KCNIP1: variants seen among roughly 807,000 people sequenced by gnomAD.
KCNIP1 encodes potassium voltage-gated channel interacting protein 1.
In KCNIP1, 18 loss-of-function variants were observed where a neutral mutation model predicts 33.0. That is an observed-to-expected ratio of 0.55 (90% CI 0.38 to 0.81). The LOEUF is 0.81. Ranked by LOEUF, KCNIP1 falls within the 30% of genes least tolerant of loss-of-function variation. The pLI, the probability that KCNIP1 is intolerant of heterozygous loss-of-function variation, is 0.00. For synonymous variants in KCNIP1, 93 were observed against 98.3 expected (o/e 0.95, Z 0.32); for missense variants, 238 against 271.6 (o/e 0.88, Z 0.87).
intron 1 of KCNIP1, among the ~76,000 whole-genome samples, chr5:170,695,611 G>A (rs572078496): frequency 5.9e-5 from 9 of 152,182 alleles, no homozygotes; most frequent in Admixed American, 3.9e-4. Context: ...CCATTTTACT[G>A]TTGAACACTT....
chr5:170,433,821 T>C (rs1245903516), intron 1 of KCNIP1, among the ~76,000 whole-genome samples: 2 of 152,196 alleles, frequency 1.3e-5, no homozygotes, highest in African/African-American at 4.8e-5. Flanking sequence ...AATGAGGACG[T>C]TGAGGCTCAG....
intron 1 of KCNIP1, among the ~76,000 whole-genome samples, chr5:170,714,675 TA>T (rs34500856): frequency 6.6e-6 from 1 of 151,750 alleles, no homozygotes; most frequent in African/African-American, 2.4e-5. Context: ...TTTGTAATTT[TA>T]AAAAAAGGGT....
intron 1 of KCNIP1, among the ~76,000 whole-genome samples, chr5:170,494,291 C>T (rs1489053307): frequency 7.9e-5 from 12 of 152,166 alleles, no homozygotes; most frequent in Non-Finnish European, 2.9e-5. Flanking sequence ...CAATTAGCTC[C>T]CCCCAGCACC....
At chr5:170,668,827 T>C (rs1443447283) in intron 1 of KCNIP1, among the ~76,000 whole-genome samples, 1 of 152,232 alleles carries the variant, frequency 6.6e-6, no homozygotes, top group Non-Finnish European at 1.5e-5. Context: ...GCAGTCTGGC[T>C]GGATGGGCCC....
intron 5 of KCNIP1, among the ~76,000 whole-genome samples, chr5:170,728,035 T>G (rs1764067893): frequency 6.6e-6 from 1 of 152,230 alleles, no homozygotes; most frequent in South Asian, 2.1e-4. Flanking sequence ...GAAAGCCTAT[T>G]AAATAATTTA....
intron 1 of KCNIP1, among the ~76,000 whole-genome samples, chr5:170,633,725 G>T (rs1760162645): frequency 5.7e-5 from 1 of 17,548 alleles, no homozygotes; most frequent in Non-Finnish European, 9.8e-5. Flanking sequence ...GGGGGGCGGA[G>T]GGGGGGACGG....
At chr5:170,356,326 C>T (rs1763347362) in intron 1 of KCNIP1, among the ~76,000 whole-genome samples, 2 of 152,162 alleles carry the variant, frequency 1.3e-5, no homozygotes, top group Admixed American at 1.3e-4. Context: ...ATGTGTTGGA[C>T]CAGGTACCTG....
intron 1 of KCNIP1, among the ~76,000 whole-genome samples, chr5:170,510,394 G>A (rs79355941): frequency 0.018 from 2,789 of 152,318 alleles, 43 homozygotes; most frequent in Non-Finnish European, 0.026. Context: ...GCCAGAGTGT[G>A]CGTTCTTGAT....
intron 1 of KCNIP1, among the ~76,000 whole-genome samples, chr5:170,642,788 A>G (rs938369524): frequency 4.6e-5 from 7 of 152,200 alleles, no homozygotes; most frequent in Non-Finnish European, 1.0e-4. Context: ...TAAAACCAAT[A>G]TTCCACATAA....
intron 1 of KCNIP1, among the ~76,000 whole-genome samples, chr5:170,551,216 C>T (rs1469232230): frequency 6.6e-6 from 1 of 152,246 alleles, no homozygotes; most frequent in Non-Finnish European, 1.5e-5. Context: ...GGGGCTTTGG[C>T]TGATCTCACC....
At chr5:170,684,986 A>G (rs773215041) in intron 1 of KCNIP1, among the ~76,000 whole-genome samples, 1 of 152,054 alleles carries the variant, frequency 6.6e-6, no homozygotes, top group Non-Finnish European at 1.5e-5. Context: ...CTCTCTGTCT[A>G]CTTAATCTGT....
chr5:170,588,846 G>C (rs1184708630), intron 1 of KCNIP1, among the ~76,000 whole-genome samples: 3 of 152,014 alleles, frequency 2.0e-5, no homozygotes, highest in African/African-American at 7.3e-5. Context: ...TTAGACTGAG[G>C]CTCTTTACCC....
chr5:170,624,331 T>A (rs1759729861), intron 1 of KCNIP1, among the ~76,000 whole-genome samples: 1 of 152,062 alleles, frequency 6.6e-6, no homozygotes, highest in African/African-American at 2.4e-5. Flanking sequence ...TTGCTGAGCT[T>A]AGAGTCAAGT....
intron 1 of KCNIP1, among the ~76,000 whole-genome samples, chr5:170,403,826 G>A (rs556947966): frequency 1.3e-5 from 2 of 152,328 alleles, no homozygotes; most frequent in African/African-American, 2.4e-5. Flanking sequence ...GCCGGCTTTG[G>A]TTGAGGAGCT....
chr5:170,474,663 C>T (rs959362687), intron 1 of KCNIP1, among the ~76,000 whole-genome samples: 2 of 152,176 alleles, frequency 1.3e-5, no homozygotes, highest in Non-Finnish European at 2.9e-5. Context: ...GATGAATAAA[C>T]GGAGGTTCAG....
At chr5:170,567,239 CA>C (rs1757235199) in intron 1 of KCNIP1, among the ~76,000 whole-genome samples, 1 of 152,130 alleles carries the variant, frequency 6.6e-6, no homozygotes, top group Non-Finnish European at 1.5e-5. Context: ...GCAGGGAGAC[CA>C]GGGGTGCTGC....
chr5:170,399,749 A>T (rs1444430552), intron 1 of KCNIP1, among the ~76,000 whole-genome samples: 1 of 152,236 alleles, frequency 6.6e-6, no homozygotes, highest in Non-Finnish European at 1.5e-5. Context: ...GCCCTATAAT[A>T]GTCCATCATA....
chr5:170,525,275 C>T (rs1581272814), intron 1 of KCNIP1, among the ~76,000 whole-genome samples: 1 of 152,228 alleles, frequency 6.6e-6, no homozygotes, highest in Non-Finnish European at 1.5e-5. Context: ...CCCCTACTCC[C>T]GCACTTAGTA....
In KCNIP1 at chr5:170,377,636, A is replaced by G. The variant is rs188285369; in HGVS notation, c.88+23672A>G. The G allele has an allele frequency of 5.0e-3, 758 of 151,668 alleles. 7 individuals are homozygous for G. Among genetic ancestry groups the G allele is most frequent in the African/African-American group, 0.017 (707 of 41,316 alleles). 9.4% of individuals were successfully genotyped at this position (151,668 alleles called of 1,614,324 possible). On this transcript the variant is annotated intron_variant, in intron 1 of 7. Transcript: ENST00000377360. ...TCACCAGGCTGGAGTGCAGTGGCAC[A>G]ATCTCGGCTCACTGCAAGCTCCGAA...
Sources: gnomAD v4.1 joint callset for allele counts (sites outside exome capture counted in the v4.1 genomes callset) on GRCh38, gnomAD v4.1.1 for gene constraint, MANE v1.5 for transcripts, NCBI Gene and HGNC (gene_info 2026-07-23, HGNC 2026-07-21) for gene names.